Variants in C2CD2L observed in about 807,000 individuals in gnomAD.
The protein encoded by C2CD2L is C2CD2 like.
Under a neutral mutation model 69.9 loss-of-function variants are expected in C2CD2L, and 24 were observed. The observed-to-expected ratio is 0.34, with a 90% CI of 0.25 to 0.48. C2CD2L has a LOEUF of 0.48. C2CD2L is among the 20% of genes least tolerant of loss of function. The pLI is 0.99. For missense variants in C2CD2L, 811 were observed against 941.5 expected (o/e 0.86, Z 1.81); for synonymous variants, 367 against 391.0 (o/e 0.94, Z 0.72).
chr11:119,104,085 T>C (rs1565768734), upstream of C2CD2L, among the ~76,000 whole-genome samples: 2 of 152,112 alleles, frequency 1.3e-5, no homozygotes, highest in African/African-American at 4.8e-5. Context: ...GAGTAAGTGG[T>C]CTTGAGGAAG....
intron 13 of C2CD2L, chr11:119,115,160 C>A: frequency 6.7e-6 from 1 of 149,248 alleles, no homozygotes; most frequent in Non-Finnish European, 1.5e-5. Context: ...GAGGCTGAGG[C>A]AGGAGAATCG....
At chr11:119,108,595 T>A (rs1278499609) in intron 1 of C2CD2L, among the ~76,000 whole-genome samples, 1 of 152,206 alleles carries the variant, frequency 6.6e-6, no homozygotes, top group African/African-American at 2.4e-5. Flanking sequence ...CATGCTGGCC[T>A]GTGGTTCACT....
Position 119,114,188 on chromosome 11 carries a change from T to G in C2CD2L, c.1732T>G (p.Ser578Ala). 1.9e-6 allele frequency: 3 copies of G among 1,614,080 alleles called. No individual in the cohort carries two copies. Among genetic ancestry groups the G allele is most frequent in the Non-Finnish European group, 2.5e-6 (3 of 1,179,996 alleles). The change falls in exon 13 of 14, where the codon TCA becomes GCA. Residue 578 changes from serine to alanine, a missense_variant. By Grantham distance (99) the Ser-to-Ala change is moderately conservative. Coordinates refer to ENST00000648610, the MANE Select transcript of C2CD2L (RefSeq NM_001290474.2). This position sits in a 1 kb window ranked among gnomAD's most constrained non-coding sequence, Gnocchi z 5.1. ...CAGCGGAGGCCCCTCTTCACCTCCCTCAGACCCACCAGCCATGTCTCCAGG... is the reference window on the plus strand; with the variant it reads ...CAGCGGAGGCCCCTCTTCACCTCCCGCAGACCCACCAGCCATGTCTCCAGG... ...GTSGGPSSPPSDPPAMSPGPL... is the reference protein window; with the variant it reads ...GTSGGPSSPPADPPAMSPGPL...
At position 119,109,906 on chromosome 11, in the gene C2CD2L, C is replaced by T. The variant is rs1024366381; in HGVS notation, c.355-198C>T. ...ACTACCTCCCCATTGCTCAGTGGCT[C>T]CTAGCAGCTACAGGCCCCTGGAGAG... is the stretch of plus-strand genomic sequence containing the variant. On this transcript the variant is annotated intron_variant, in intron 1 of 13. Coordinates refer to ENST00000648610, the MANE Select transcript of C2CD2L (RefSeq NM_001290474.2). The surrounding 1 kb of genome is among the most constrained non-coding windows in gnomAD (Gnocchi z 5.1). Among the ~76,000 whole-genome samples the T allele has an allele frequency of 6.6e-6, 1 of 151,960 alleles. No homozygotes were observed. Among genetic ancestry groups the T allele is most frequent in the Non-Finnish European group, 1.5e-5 (1 of 67,970 alleles).
Position 119,114,611 on chromosome 11 carries a change from G to C in C2CD2L, c.1909+246G>C. On this transcript the variant is annotated intron_variant, in intron 13 of 13. Coordinates refer to ENST00000648610, the MANE Select transcript of C2CD2L (RefSeq NM_001290474.2). This position sits in a 1 kb window ranked among gnomAD's most constrained non-coding sequence, Gnocchi z 5.1. ...TACCTCCATTGTTCTTTCTTCCTGA[G>C]TCTAAGTGCCATTTTTCCTGCCCTT... is the stretch of plus-strand genomic sequence containing the variant. The C allele has an allele frequency of 1.9e-6, 1 of 530,942 alleles. No homozygotes were observed. Among genetic ancestry groups the C allele is most frequent in the Non-Finnish European group, 3.3e-6 (1 of 299,088 alleles). 32.9% of individuals were successfully genotyped at this position (530,942 alleles called of 1,614,324 possible).
chr11:119,108,112 G>A lies in C2CD2L; in HGVS notation c.354+17G>A. The A allele has an allele frequency of 1.3e-6, 2 of 1,537,950 alleles. No homozygotes were observed. Among genetic ancestry groups the A allele is most frequent in the Non-Finnish European group, 1.8e-6 (2 of 1,127,996 alleles). On this transcript the variant is annotated intron_variant, in intron 1 of 13. Transcript: ENST00000648610. ...AGAAACGGGGTGAGTTGGACCAAGC[G>A]CTTGGGTGGTCCCTTCAGCCTTTCC...
intron 13 of C2CD2L, chr11:119,115,723 GT>G (rs1722389816): frequency 2.2e-6 from 1 of 448,134 alleles, no homozygotes; most frequent in Non-Finnish European, 4.0e-6. Context: ...ATCCCAGTTT[GT>G]CCTCACAAAG....
At position 119,116,121 on chromosome 11, in the gene C2CD2L, AC is replaced by A. The variant is rs1946883886; in HGVS notation, c.1987del (p.His663ThrfsTer140). The A allele has an allele frequency of 6.2e-7, 1 of 1,614,048 alleles. No individual in the cohort carries two copies. Among genetic ancestry groups the A allele is most frequent in the African/African-American group, 1.3e-5 (1 of 74,922 alleles). ...AGAAGGAAGCTGGCCTGAGCCAATCACACGATGACCTCTCCAACGCAACGGC... is the reference window on the plus strand; with the variant it reads ...AGAAGGAAGCTGGCCTGAGCCAATCAACGATGACCTCTCCAACGCAACGGC... ...RQKEAGLSQS[H>X]DDLSNATATP... On this transcript the variant is annotated frameshift_variant, in exon 14 of 14. Coordinates refer to ENST00000648610, the MANE Select transcript of C2CD2L (RefSeq NM_001290474.2). LOFTEE classifies it high-confidence loss of function.
chr11:119,116,526 C>T lies in C2CD2L; in HGVS notation c.*270C>T, dbSNP rs904734051. On this transcript the variant is annotated 3_prime_UTR_variant, in exon 14 of 14. Transcript: ENST00000648610. ...GGCATGTGTGGGTATTCCCCAGAAG[C>T]ATTTGCCTCCTGCTGAGCCTGGTCC... 2 of 563,262 alleles carry T rather than the reference C, an allele frequency of 3.6e-6. No homozygotes were observed. The highest frequency in any genetic ancestry group is 3.0e-5 in the Admixed American group (1 of 32,798). 34.9% of individuals were successfully genotyped at this position (563,262 alleles called of 1,614,324 possible).
Position 119,107,913 on chromosome 11 carries a change from G to A in C2CD2L, c.172G>A (p.Gly58Ser). 1 of 1,531,328 alleles carries A rather than the reference G, an allele frequency of 6.5e-7. No homozygotes were observed. The highest frequency in any genetic ancestry group is 8.7e-7 in the Non-Finnish European group (1 of 1,145,250). The allele number at this position is 1,531,328 out of a possible 1,614,324, so 94.9% of individuals were successfully genotyped here. Residue 58 changes from glycine (G) to serine (S), a missense_variant, in exon 1 of 14, where the codon GGT (glycine) becomes AGT (serine). Transcript: ENST00000648610. The surrounding 1 kb of genome is among the most constrained non-coding windows in gnomAD (Gnocchi z 5.4). ...ACCCGCCTTAGCCGGGGAACCCGCG[G>A]GTTCCCTGCGGGAGCTGGGCGTGTG... ...PGPALAGEPAGSLRELGVWRS... is the reference protein window; with the variant it reads ...PGPALAGEPASSLRELGVWRS...
rs775650537 is a variant in C2CD2L, at chr11:119,112,839, C to A, written c.1352C>A (p.Thr451Asn). 3 of 1,614,086 alleles carry A rather than the reference C, an allele frequency of 1.9e-6. No individual in the cohort carries two copies. The highest frequency in any genetic ancestry group is 1.7e-5 in the Admixed American group (1 of 60,010). Residue 451 changes from threonine to asparagine, a missense_variant, in exon 10 of 14, where the codon ACT (threonine) becomes AAT (asparagine). Transcript: ENST00000648610. ...GGCACCATTGTCACCACAGTCACCA[C>A]TGTCCAGTCCCGGCCCCGTATAGAC... ...PDGTIVTTVT[T>N]VQSRPRIDGK...
At position 119,114,139 on chromosome 11, in the gene C2CD2L, C is replaced by T. The variant is rs1458819257; in HGVS notation, c.1683C>T (p.Ala561=). ...TGGGCTATGCGGCATCCCTGGAAGC[C>T]TCAGTGCAGGATGATGCAGGGACCA... The part of the protein sequence containing the change: ...LSLGYAASLE[A]SVQDDAGTSG... The change falls in exon 13 of 14, where the codon GCC becomes GCT. Residue 561 remains alanine, a synonymous_variant. Transcript: ENST00000648610. The surrounding 1 kb of genome is among the most constrained non-coding windows in gnomAD (Gnocchi z 5.1). 6 of 1,614,050 alleles carry T rather than the reference C, an allele frequency of 3.7e-6. No homozygotes were observed. Among genetic ancestry groups the T allele is most frequent in the African/African-American group, 1.3e-5 (1 of 74,932 alleles).
In C2CD2L at chr11:119,109,518, C is replaced by T. The variant is rs527855175; in HGVS notation, c.355-586C>T. On this transcript the variant is annotated intron_variant, in intron 1 of 13. Transcript: ENST00000648610. The surrounding 1 kb of genome is among the most constrained non-coding windows in gnomAD (Gnocchi z 5.1). ...GTATCTCTTCCCAGTCCCCCTGGTA[C>T]GGATCCCCAAGGCCATGCTCATCTT... Among the ~76,000 whole-genome samples, 18 of 152,298 alleles carry T rather than the reference C, an allele frequency of 1.2e-4. No homozygotes were observed. Among genetic ancestry groups the T allele is most frequent in the East Asian group, 7.7e-4 (4 of 5,172 alleles).
chr11:119,106,100 C>A (rs1185287645), upstream of C2CD2L, among the ~76,000 whole-genome samples: 2 of 152,240 alleles, frequency 1.3e-5, no homozygotes, highest in Non-Finnish European at 2.9e-5. Context: ...TCATTCACCC[C>A]CACCTCTCCC....
Position 119,116,374 on chromosome 11 carries a change from C to T in C2CD2L, c.*118C>T, listed in dbSNP as rs1409168790. 1.6e-5 allele frequency: 13 copies of T among 834,614 alleles called. No individual in the cohort carries two copies. The highest frequency in any genetic ancestry group is 1.2e-4 in the African/African-American group (7 of 59,202). 51.7% of individuals were successfully genotyped at this position (834,614 alleles called of 1,614,324 possible). A position where few individuals can be genotyped will look rare whatever the true frequency, so the allele number is the denominator to read the frequency against. On this transcript the variant is annotated 3_prime_UTR_variant, in exon 14 of 14. Transcript: ENST00000648610. ...AAGCCCTCTGGGTTCCGGGAAGCCC[C>T]GTCCACCCTGGGCCATGGGGCCGGT... is the stretch of plus-strand genomic sequence containing the variant.
intron 11 of C2CD2L, 23 bp downstream of exon 11, chr11:119,113,735 G>A: frequency 1.2e-6 from 2 of 1,613,838 alleles, no homozygotes; most frequent in South Asian, 1.1e-5. Flanking sequence ...TGGGGTGCAT[G>A]AGTGTGGGTT....
At position 119,111,526 on chromosome 11, in the gene C2CD2L, G is replaced by A. The variant is rs757596227; in HGVS notation, c.916G>A (p.Glu306Lys). The A allele has an allele frequency of 7.4e-6, 12 of 1,613,914 alleles. No individual in the cohort carries two copies. The Admixed American group carries it at 1.5e-4, about 20-fold the overall frequency. The change falls in exon 7 of 14, where the codon GAG becomes AAG. Residue 306 changes from glutamate to lysine, a missense_variant. Coordinates refer to ENST00000648610, the MANE Select transcript of C2CD2L (RefSeq NM_001290474.2). ...SHLGNELEGT[E>K]ELCCVAELDN... ...TAACTTCTGGTTCATCACAGGCACC[G>A]AGGAACTGTGCTGTGTAGCTGAACT...
At position 119,110,980 on chromosome 11, in the gene C2CD2L, G is replaced by A. The variant is rs1235334691; in HGVS notation, c.681+23G>A. 6.2e-7 allele frequency: 1 copy of A among 1,613,878 alleles called. No homozygotes were observed. The highest frequency in any genetic ancestry group is 1.3e-5 in the African/African-American group (1 of 74,932). ...GAGGTAAGGAGGCAGAGCTGGCAGA[G>A]AAGAGGCAGAACGGGGAGGGAGGCA... On this transcript the variant is annotated intron_variant, in intron 4 of 13. Transcript: ENST00000648610. The surrounding 1 kb of genome is among the most constrained non-coding windows in gnomAD (Gnocchi z 5.7).
chr11:119,111,695 T>G, intron 7 of C2CD2L, 66 bp downstream of exon 7: 2 of 1,094,092 alleles, frequency 1.8e-6, no homozygotes, highest in Non-Finnish European at 2.7e-6. Flanking sequence ...TCCAGCACAG[T>G]CCTTGCAGGA....
Sources: gnomAD v4.1 joint callset for allele counts (sites outside exome capture counted in the v4.1 genomes callset) on GRCh38, gnomAD v4.1.1 for gene constraint, Gnocchi (gnomAD v3.1) non-coding constraint, MANE v1.5 for transcripts, NCBI Gene and HGNC (gene_info 2026-07-23, HGNC 2026-07-21) for gene names.